The following ERC2 variants were observed in gnomAD, a reference collection of about 807,000 sequenced individuals.
ERC2 encodes ELKS/RAB6-interacting/CAST family member 2.
In ERC2, 42 loss-of-function variants were observed where a neutral mutation model predicts 114.8. The ratio of observed to expected loss-of-function variants is 0.37; its 90% CI spans 0.29 to 0.47. The LOEUF (loss-of-function observed/expected upper bound fraction) is 0.47. Among genes scored for constraint, ERC2 ranks in the 20% least tolerant of loss-of-function variants. The probability of loss-of-function intolerance (pLI) is 0.99; values close to 1 mark genes in which losing one functional copy is unlikely to be tolerated. For synonymous variants in ERC2, 454 were observed against 425.5 expected, an observed-to-expected ratio of 1.07 and a Z score of -0.82; for missense variants, 939 against 1,150.7, an observed-to-expected ratio of 0.82 and a Z score of 2.66.
At chr3:56,302,434 T>G (rs2055943621) in intron 2 of ERC2, among the ~76,000 whole-genome samples, 1 of 152,320 alleles carries the variant, frequency 6.6e-6, no homozygotes, top group Middle Eastern at 3.4e-3. Context: ...TATTTAAGAC[T>G]TCTTTTCTAA....
chr3:55,851,646 A>G (rs753693472), intron 14 of ERC2, among the ~76,000 whole-genome samples: 7 of 152,130 alleles, frequency 4.6e-5, no homozygotes, highest in Non-Finnish European at 1.0e-4. Context: ...TTTAAAAAAT[A>G]GTTTTTATTA....
intron 17 of ERC2, among the ~76,000 whole-genome samples, chr3:55,600,204 G>A (rs942633859): frequency 6.6e-6 from 1 of 152,134 alleles, no homozygotes; most frequent in African/African-American, 2.4e-5. Flanking sequence ...GAGGATAATA[G>A]ATGCTCTAGA....
At chr3:56,449,646 T>G (rs1287643540) in intron 1 of ERC2, among the ~76,000 whole-genome samples, 1 of 152,246 alleles carries the variant, frequency 6.6e-6, no homozygotes, top group Non-Finnish European at 1.5e-5. Context: ...TTCTGTCTTC[T>G]GGATACGCAA....
In ERC2 at chr3:55,846,758, G is replaced by A. The variant is rs557558954; in HGVS notation, c.2564+41631C>T. Among the ~76,000 whole-genome samples, 20 of 149,754 alleles carry A rather than the reference G, an allele frequency of 1.3e-4. 1 individual carries two copies. The South Asian group carries it at 1.5e-3, about 11-fold the overall frequency. On this transcript the variant is annotated intron_variant, in intron 14 of 17. Coordinates refer to ENST00000288221, the MANE Select transcript of ERC2 (RefSeq NM_015576.3). ...ATTTCAGGTTACGTCTGCATTATGT[G>A]TTTTGTCAGGAGAAGGGATTTCAGA... is the stretch of plus-strand genomic sequence containing the variant.
intron 17 of ERC2, among the ~76,000 whole-genome samples, chr3:55,532,361 G>A (rs1183267807): frequency 1.3e-5 from 2 of 152,166 alleles, no homozygotes; most frequent in African/African-American, 4.8e-5. Flanking sequence ...TTCATTTTAT[G>A]ATTACAAACA....
chr3:56,040,291 C>T (rs1441437661), intron 7 of ERC2, among the ~76,000 whole-genome samples: 1 of 151,958 alleles, frequency 6.6e-6, no homozygotes, highest in Non-Finnish European at 1.5e-5. Context: ...AGTTTATATG[C>T]AGTTTATTAT....
chr3:56,274,991 G>C (rs1233893752), intron 3 of ERC2, among the ~76,000 whole-genome samples: 1 of 152,150 alleles, frequency 6.6e-6, no homozygotes, highest in Non-Finnish European at 1.5e-5. Context: ...TACCATGTGA[G>C]CCTCATCTTC....
intron 6 of ERC2, among the ~76,000 whole-genome samples, chr3:56,083,049 G>A (rs1232488745): frequency 2.6e-5 from 4 of 152,154 alleles, no homozygotes; most frequent in African/African-American, 4.8e-5. Flanking sequence ...AAAAAGGTTG[G>A]GGACTGCTGA....
intron 3 of ERC2, among the ~76,000 whole-genome samples, chr3:56,286,275 G>C (rs2054698710): frequency 6.6e-6 from 1 of 151,994 alleles, no homozygotes. Context: ...TAGCCGGAAT[G>C]TGGTGTCGCA....
intron 2 of ERC2, among the ~76,000 whole-genome samples, chr3:56,303,985 A>G (rs182658117): frequency 6.6e-6 from 1 of 152,336 alleles, no homozygotes; most frequent in Non-Finnish European, 1.5e-5. Context: ...TGATGGCCAT[A>G]TGCAAAATAT....
intron 14 of ERC2, among the ~76,000 whole-genome samples, chr3:55,860,154 C>A (rs775558246): frequency 8.5e-5 from 13 of 152,098 alleles, no homozygotes; most frequent in Non-Finnish European, 1.8e-4. Context: ...GATGTTATAA[C>A]CTTGTTAATG....
In ERC2 at chr3:55,670,610, G is replaced by C. The variant is rs80124213; in HGVS notation, c.*39+13184C>G. Among the ~76,000 whole-genome samples, 817 of 152,278 alleles carry C rather than the reference G, an allele frequency of 5.4e-3. 6 individuals are homozygous for C. The highest frequency in any genetic ancestry group is 0.019 in the African/African-American group (784 of 41,546). On this transcript the variant is annotated intron_variant, in intron 17 of 17. Transcript: ENST00000288221. ...TGAGATTTTGGAGCTTTGTGACTTT[G>C]GGCAAAGAGCTTTCCCTCTCTGTGT...
At chr3:55,670,766 C>T (rs2061525264) in intron 17 of ERC2, among the ~76,000 whole-genome samples, 1 of 152,200 alleles carries the variant, frequency 6.6e-6, no homozygotes, top group Non-Finnish European at 1.5e-5. Flanking sequence ...AGGTCAAATT[C>T]AGCTAGCCAC....
intron 8 of ERC2, among the ~76,000 whole-genome samples, 190 bp from the exon 9 acceptor site, chr3:56,010,779 G>A (rs748830454): frequency 1.1e-4 from 17 of 152,302 alleles, no homozygotes; most frequent in Non-Finnish European, 2.2e-4. Flanking sequence ...ACCAATAACA[G>A]CTTTTGACTT....
At chr3:56,089,428 AT>A (rs2077670016) in intron 6 of ERC2, among the ~76,000 whole-genome samples, 1 of 152,130 alleles carries the variant, frequency 6.6e-6, no homozygotes, top group South Asian at 2.1e-4. Context: ...GTACTTTTAC[AT>A]TTTTTAATAG....
At chr3:56,109,921 C>T (rs2078870388) in intron 6 of ERC2, among the ~76,000 whole-genome samples, 1 of 152,132 alleles carries the variant, frequency 6.6e-6, no homozygotes, top group African/African-American at 2.4e-5. Flanking sequence ...ACTGTATGTA[C>T]AGCCAAAAAC....
chr3:56,203,005 T>C (rs1384949027), intron 3 of ERC2, among the ~76,000 whole-genome samples: 2 of 152,210 alleles, frequency 1.3e-5, no homozygotes, highest in African/African-American at 2.4e-5. Flanking sequence ...ACCACTGACA[T>C]TGAAATCACA....
At chr3:56,201,623 A>T (rs2048411819) in intron 3 of ERC2, among the ~76,000 whole-genome samples, 2 of 152,336 alleles carry the variant, frequency 1.3e-5, no homozygotes, top group Middle Eastern at 3.4e-3. Context: ...CAGCCCAGCC[A>T]CCAGGGAAGG....
At chr3:56,349,192 A>G (rs1199919651) in intron 2 of ERC2, among the ~76,000 whole-genome samples, 1 of 152,196 alleles carries the variant, frequency 6.6e-6, no homozygotes, top group East Asian at 1.9e-4. Flanking sequence ...TAAATGACAC[A>G]AATAGAGCAG....
Sources: gnomAD v4.1 joint callset for allele counts (sites outside exome capture counted in the v4.1 genomes callset) on GRCh38, gnomAD v4.1.1 for gene constraint, MANE v1.5 for transcripts, NCBI Gene and HGNC (gene_info 2026-07-23, HGNC 2026-07-21) for gene names.